The following CHL1 variants were observed in gnomAD, a reference collection of about 807,000 sequenced individuals.
The protein encoded by CHL1 is neural cell adhesion molecule L1-like protein.
In CHL1, 96 loss-of-function variants were observed where a neutral mutation model predicts 141.9. The observed-to-expected ratio is 0.68, with a 90% CI of 0.57 to 0.80. The LOEUF is 0.80. Ranked by LOEUF, CHL1 falls within the 30% of genes least tolerant of loss-of-function variation. The pLI, the probability that CHL1 is intolerant of heterozygous loss-of-function variation, is 0.00. For missense variants in CHL1, 1,820 were observed against 1,457.2 expected (o/e 1.25, Z -4.05); for synonymous variants, 613 against 502.2 (o/e 1.22, Z -2.95).
chr3:197,651 C>A, intron 1 of CHL1: 1 of 363,676 alleles, frequency 2.7e-6, no homozygotes, highest in South Asian at 2.0e-5. Flanking sequence ...CCGAAAATGC[C>A]GCCAGCCTGG....
chr3:242,265 A>T (rs995299308), intron 1 of CHL1, among the ~76,000 whole-genome samples: 5 of 152,174 alleles, frequency 3.3e-5, no homozygotes, highest in African/African-American at 1.2e-4. Flanking sequence ...TCCAGAGATC[A>T]TGCACCTACA....
At chr3:278,435 C>T (rs1696346504) in intron 2 of CHL1, among the ~76,000 whole-genome samples, 2 of 152,202 alleles carry the variant, frequency 1.3e-5, no homozygotes, top group South Asian at 4.1e-4. Flanking sequence ...ATACCTGTCA[C>T]AAGATCTTGC....
chr3:212,116 G>A (rs6768035), intron 1 of CHL1, among the ~76,000 whole-genome samples: 95,983 of 151,904 alleles, frequency 0.63, 31,597 homozygotes, highest in Non-Finnish European at 0.73. Flanking sequence ...TAGATTTCAG[G>A]AAAACAAATG....
chr3:206,757 C>T (rs538117506), intron 1 of CHL1, among the ~76,000 whole-genome samples: 3 of 152,096 alleles, frequency 2.0e-5, no homozygotes, highest in East Asian at 1.9e-4. Context: ...TGTACCAGAC[C>T]CTGGGCATCA....
intron 24 of CHL1, among the ~76,000 whole-genome samples, chr3:397,088 G>C (rs908265175): frequency 7.2e-5 from 11 of 152,120 alleles, no homozygotes; most frequent in Admixed American, 7.2e-4. Context: ...CATAATCTAA[G>C]AGGGGAAAAG....
intron 2 of CHL1, among the ~76,000 whole-genome samples, chr3:272,203 C>A (rs900583414): frequency 6.6e-6 from 1 of 152,128 alleles, no homozygotes; most frequent in Admixed American, 6.5e-5. Flanking sequence ...AAACACATTA[C>A]ATTTGTATAA....
At chr3:385,827 C>CAA (rs3052960) in intron 19 of CHL1, 54,276 of 103,918 alleles carry the variant, frequency 0.52, 15,820 homozygotes, top group Non-Finnish European at 0.68. Flanking sequence ...GACTCTGTCT[C>CAA]AAAAAAAAAA....
chr3:215,615 C>T (rs941953189), intron 1 of CHL1, among the ~76,000 whole-genome samples: 11 of 152,142 alleles, frequency 7.2e-5, no homozygotes, highest in African/African-American at 2.4e-4. Context: ...CCAATGTACA[C>T]ATGTATCCAA....
At chr3:359,971 T>G (rs1467449726) in intron 11 of CHL1, among the ~76,000 whole-genome samples, 2 of 152,184 alleles carry the variant, frequency 1.3e-5, no homozygotes, top group Non-Finnish European at 2.9e-5. Flanking sequence ...TGTCACTTCA[T>G]CATAGGTCTT....
intron 9 of CHL1, among the ~76,000 whole-genome samples, chr3:345,232 G>C (rs191425961): frequency 4.4e-4 from 67 of 151,976 alleles, no homozygotes; most frequent in African/African-American, 1.4e-3. Context: ...TTGGTGCTGA[G>C]TTTTCTCTCT....
chr3:390,992 G>A lies in CHL1; in HGVS notation c.2624G>A (p.Arg875Lys), dbSNP rs948652576. Reference sequence around the variant, plus strand: ...AAAACAAAAAGTCTGTTGGATGGAAGAACACATCCCAAAGAAGTGAACATT... The same window carrying A: ...AAAACAAAAAGTCTGTTGGATGGAAAAACACATCCCAAAGAAGTGAACATT... ...WWKTKSLLDG[R>K]THPKEVNILR... The change falls in exon 22 of 28, where the codon AGA (arginine) becomes AAA (lysine). Residue 875 changes from arginine (R) to lysine (K), a missense_variant. Arg to Lys is a conservative substitution (Grantham distance 26). Transcript: ENST00000256509. The A allele has an allele frequency of 2.0e-5, 32 of 1,614,018 alleles. No homozygotes were observed. The highest frequency in any genetic ancestry group is 2.6e-5 in the Non-Finnish European group (31 of 1,180,000).
chr3:243,778 A>G (rs547021137), intron 1 of CHL1, among the ~76,000 whole-genome samples: 9 of 152,148 alleles, frequency 5.9e-5, no homozygotes, highest in Non-Finnish European at 1.3e-4. Flanking sequence ...TTAATTAGTA[A>G]TTTCTACCAG....
intron 2 of CHL1, among the ~76,000 whole-genome samples, chr3:312,667 A>G (rs745624261): frequency 2.6e-5 from 4 of 152,186 alleles, no homozygotes; most frequent in Non-Finnish European, 5.9e-5. Context: ...TCATAAAGGG[A>G]CACTTGAGGT....
intron 10 of CHL1, among the ~76,000 whole-genome samples, chr3:351,335 C>A (rs1703237830): frequency 1.3e-5 from 2 of 152,148 alleles, no homozygotes; most frequent in South Asian, 4.1e-4. Context: ...TTATGAAGAA[C>A]TTTTAATCCT....
intron 1 of CHL1, among the ~76,000 whole-genome samples, chr3:234,193 G>GTATGTGTGTATA (rs1691709579): frequency 2.8e-5 from 4 of 144,212 alleles, no homozygotes; most frequent in Non-Finnish European, 6.1e-5. Context: ...GTGTGTGTGT[G>GTATGTGTGTATA]TATATATATA....
At chr3:254,086 C>A (rs1057345114) in intron 2 of CHL1, among the ~76,000 whole-genome samples, 1 of 152,220 alleles carries the variant, frequency 6.6e-6, no homozygotes. Context: ...GCTTCCCCAG[C>A]TGCTGGGATG....
chr3:302,994 A>G (rs1302112609), intron 2 of CHL1, among the ~76,000 whole-genome samples: 1 of 152,206 alleles, frequency 6.6e-6, no homozygotes, highest in African/African-American at 2.4e-5. Flanking sequence ...TTTATTAAAT[A>G]GGGAATCTTT....
chr3:395,455 C>A (rs572534040), intron 24 of CHL1, among the ~76,000 whole-genome samples: 1 of 152,278 alleles, frequency 6.6e-6, no homozygotes, highest in African/African-American at 2.4e-5. Flanking sequence ...TTAACCATTT[C>A]CTTTCCCAAA....
intron 1 of CHL1, among the ~76,000 whole-genome samples, chr3:239,346 T>A (rs1225053165): frequency 6.6e-6 from 1 of 152,170 alleles, no homozygotes; most frequent in Admixed American, 6.5e-5. Context: ...AAAAGGCTAC[T>A]TGATTAGCTT....
Sources: gnomAD v4.1 joint callset for allele counts (sites outside exome capture counted in the v4.1 genomes callset) on GRCh38, gnomAD v4.1.1 for gene constraint, MANE v1.5 for transcripts, NCBI Gene and HGNC (gene_info 2026-07-23, HGNC 2026-07-21) for gene names.